GABRG3: variants seen among roughly 807,000 people sequenced by gnomAD.
GABRG3 encodes the protein gamma-aminobutyric acid receptor subunit gamma-3.
Under a neutral mutation model 48.8 loss-of-function variants are expected in GABRG3, and 25 were observed. The observed-to-expected ratio is 0.51, with a 90% CI of 0.37 to 0.72. The LOEUF (loss-of-function observed/expected upper bound fraction) is 0.72, where lower values mean the gene tolerates loss of function less well. GABRG3 is among the 30% of genes least tolerant of loss of function. GABRG3 has a pLI of 0.00. For missense variants in GABRG3, 394 were observed against 577.9 expected, an observed-to-expected ratio of 0.68 and a Z score of 3.26; for synonymous variants, 227 against 217.6, an observed-to-expected ratio of 1.04 and a Z score of -0.38.
chr15:26,977,810 A>G (rs1894980392), intron 2 of GABRG3, among the ~76,000 whole-genome samples: 1 of 152,206 alleles, frequency 6.6e-6, no homozygotes, highest in Admixed American at 6.5e-5. Context: ...CTATGTGAGC[A>G]TAAGATTGTA....
chr15:27,203,492 G>A (rs748729078), intron 3 of GABRG3, among the ~76,000 whole-genome samples: 65 of 152,284 alleles, frequency 4.3e-4, no homozygotes, highest in Non-Finnish European at 8.5e-4. Context: ...GAATAGTGCT[G>A]TGATGAACAT....
At chr15:27,157,217 G>A (rs2140400774) in intron 3 of GABRG3, among the ~76,000 whole-genome samples, 1 of 152,300 alleles carries the variant, frequency 6.6e-6, no homozygotes, top group South Asian at 2.1e-4. Flanking sequence ...GAAAAAGACT[G>A]AATTCTTTTT....
At chr15:27,190,055 C>T (rs2140421911) in intron 3 of GABRG3, among the ~76,000 whole-genome samples, 1 of 152,266 alleles carries the variant, frequency 6.6e-6, no homozygotes, top group Middle Eastern at 3.4e-3. Context: ...TTGAACCAGC[C>T]TTGCATCCCA....
At chr15:27,404,661 G>A (rs1319965304) in intron 5 of GABRG3, among the ~76,000 whole-genome samples, 2 of 152,168 alleles carry the variant, frequency 1.3e-5, no homozygotes, top group African/African-American at 4.8e-5. Context: ...GGCACCCACC[G>A]CCACTGGCCT....
chr15:27,526,849 GT>G (rs2150864601), intron 7 of GABRG3, among the ~76,000 whole-genome samples: 1 of 152,278 alleles, frequency 6.6e-6, no homozygotes, highest in East Asian at 1.9e-4. Context: ...GTAAGGGACT[GT>G]TTTTGTCTTA....
intron 5 of GABRG3, among the ~76,000 whole-genome samples, chr15:27,470,408 A>G (rs1053140954): frequency 2.7e-5 from 4 of 150,642 alleles, no homozygotes; most frequent in African/African-American, 4.9e-5. Flanking sequence ...TTAAATTTGT[A>G]TTTTAGTAGA....
intron 3 of GABRG3, among the ~76,000 whole-genome samples, chr15:27,032,394 G>T (rs1216280436): frequency 6.6e-6 from 1 of 152,038 alleles, no homozygotes; most frequent in Non-Finnish European, 1.5e-5. Flanking sequence ...TGTTTGTATT[G>T]CTGTAAAGGA....
intron 3 of GABRG3, among the ~76,000 whole-genome samples, chr15:27,210,138 C>T (rs919323667): frequency 2.0e-5 from 3 of 152,218 alleles, no homozygotes; most frequent in African/African-American, 2.4e-5. Context: ...TGAAAGCTTC[C>T]AAAGGAGGTG....
chr15:27,148,134 A>T (rs1340417196), intron 3 of GABRG3, among the ~76,000 whole-genome samples: 1 of 151,916 alleles, frequency 6.6e-6, no homozygotes. Flanking sequence ...AGACACTACT[A>T]CTGACTTCAT....
rs10549691 is a variant in GABRG3 at position 27,436,995 on chromosome 15, T to TAGAGAGAGAGAGAGAGAGAGAG, written c.575-43638_575-43617dup. Among the ~76,000 whole-genome samples, 7 of 130,476 alleles carry TAGAGAGAGAGAGAGAGAGAGAG rather than the reference T, an allele frequency of 5.4e-5. 1 individual carries two copies. The highest frequency in any genetic ancestry group is 2.0e-4 in the African/African-American group (7 of 35,220). The allele number at this position is 130,476 out of a possible 152,430, so 85.6% of individuals were successfully genotyped here. A position where few individuals can be genotyped will look rare whatever the true frequency, so the allele number is the denominator to read the frequency against. ...TGGGTGAGACTCCTTCTCCGAAAAA[T>TAGAGAGAGAGAGAGAGAGAGAG]AGAGAGAGAGAGAGAGAGAGAGAGA... On this transcript the variant is annotated intron_variant, in intron 5 of 9. Transcript: ENST00000615808.
intron 5 of GABRG3, among the ~76,000 whole-genome samples, chr15:27,356,634 T>A (rs1432158493): frequency 9.2e-5 from 14 of 152,162 alleles, no homozygotes; most frequent in Admixed American, 9.2e-4. Context: ...AAATAAAGGA[T>A]CATTGTTAAG....
chr15:27,092,893 G>A (rs1897213462), intron 3 of GABRG3, among the ~76,000 whole-genome samples: 1 of 151,832 alleles, frequency 6.6e-6, no homozygotes, highest in South Asian at 2.1e-4. Flanking sequence ...CATCCACAGG[G>A]TCTTCTCCTT....
chr15:27,290,757 C>T lies in GABRG3; in HGVS notation c.271-36052C>T, dbSNP rs374448514. 1.3e-4 allele frequency among the ~76,000 whole-genome samples: 20 copies of T among 151,958 alleles called. No individual in the cohort carries two copies. The East Asian group carries it at 2.1e-3, about 16-fold the overall frequency. On this transcript the variant is annotated intron_variant, in intron 3 of 9. Coordinates refer to ENST00000615808, the MANE Select transcript of GABRG3 (RefSeq NM_033223.5). Reference sequence around the variant, plus strand: ...GCTAAATGTGATCTGGTGTCCTGGGCGAAATCCAAAAGTGAAAACAATATT... The same window carrying T: ...GCTAAATGTGATCTGGTGTCCTGGGTGAAATCCAAAAGTGAAAACAATATT...
chr15:27,022,233 C>T (rs1895908477), intron 2 of GABRG3, among the ~76,000 whole-genome samples: 1 of 152,178 alleles, frequency 6.6e-6, no homozygotes, highest in Non-Finnish European at 1.5e-5. Flanking sequence ...GAAGCCAGCT[C>T]AATACAACTT....
chr15:27,082,642 C>T (rs760734993), intron 3 of GABRG3, among the ~76,000 whole-genome samples: 1 of 152,188 alleles, frequency 6.6e-6, no homozygotes, highest in Non-Finnish European at 1.5e-5. Context: ...ACCACAGAGT[C>T]ATTCCGTAGT....
At chr15:27,519,733 C>T (rs1055780877) in intron 6 of GABRG3, among the ~76,000 whole-genome samples, 4 of 152,094 alleles carry the variant, frequency 2.6e-5, no homozygotes, top group African/African-American at 4.8e-5. Flanking sequence ...TCACTCTATC[C>T]GTGAATATGT....
rs957333174 is a variant in GABRG3, at chr15:27,537,886, C to G, written c.*5005C>G. 2.6e-5 allele frequency: 4 copies of G among 151,712 alleles called. No individual in the cohort carries two copies. The highest frequency in any genetic ancestry group is 9.7e-5 in the African/African-American group (4 of 41,308). The allele number at this position is 151,712 out of a possible 1,614,324, so 9.4% of individuals were successfully genotyped here. On this transcript the variant is annotated 3_prime_UTR_variant, in exon 10 of 10. Coordinates refer to ENST00000615808, the MANE Select transcript of GABRG3 (RefSeq NM_033223.5). ...TGAAGTTTTACTCTTGTTGCCCAGG[C>G]TGGAGTGCAGTGGCGCCATCTCGGC...
At chr15:27,217,112 A>AT (rs1186578380) in intron 3 of GABRG3, among the ~76,000 whole-genome samples, 1 of 151,446 alleles carries the variant, frequency 6.6e-6, no homozygotes, top group Non-Finnish European at 1.5e-5. Context: ...TGAACTCATC[A>AT]TTTTTTATGG....
chr15:27,313,270 A>ATATATATATATATG (rs1566779098), intron 3 of GABRG3, among the ~76,000 whole-genome samples: 6 of 47,090 alleles, frequency 1.3e-4, no homozygotes, highest in Admixed American at 6.8e-4. Context: ...GTGTATATAT[A>ATATATATATATATG]TATATATATA....
Sources: gnomAD v4.1 joint callset for allele counts (sites outside exome capture counted in the v4.1 genomes callset) on GRCh38, gnomAD v4.1.1 for gene constraint, MANE v1.5 for transcripts, NCBI Gene and HGNC (gene_info 2026-07-23, HGNC 2026-07-21) for gene names.